NBEA: variants seen among roughly 807,000 people sequenced by gnomAD.
NBEA encodes neurobeachin, also known as lysosomal-trafficking regulator 2.
In NBEA, 44 loss-of-function variants were observed where a neutral mutation model predicts 343.4. The observed-to-expected ratio is 0.13, with a 90% CI of 0.10 to 0.16. The LOEUF (loss-of-function observed/expected upper bound fraction) is 0.16, where lower values mean the gene tolerates loss of function less well. Ranked by LOEUF, NBEA falls within the 10% of genes least tolerant of loss-of-function variation. NBEA has a pLI of 1.00. For synonymous variants in NBEA, 1,175 were observed against 1,238.7 expected (o/e 0.95, Z 1.08); for missense variants, 2,555 against 3,631.3 (o/e 0.70, Z 7.62).
At chr13:35,489,730 A>G (rs1294873053) in intron 41 of NBEA, among the ~76,000 whole-genome samples, 1 of 151,924 alleles carries the variant, frequency 6.6e-6, no homozygotes, top group Non-Finnish European at 1.5e-5. Context: ...CAAAATGTTT[A>G]TGGCACTTGC....
At chr13:35,393,162 G>C (rs544549723) in intron 38 of NBEA, among the ~76,000 whole-genome samples, 12 of 152,228 alleles carry the variant, frequency 7.9e-5, no homozygotes, top group South Asian at 4.1e-4. Flanking sequence ...GATAGCAATT[G>C]TAATAGATTA....
At chr13:35,483,539 A>G (rs888915843) in intron 41 of NBEA, among the ~76,000 whole-genome samples, 1 of 152,142 alleles carries the variant, frequency 6.6e-6, no homozygotes, top group Middle Eastern at 3.4e-3. Flanking sequence ...GTAAATGTAG[A>G]TGGTTACAAA....
At chr13:35,253,184 A>G (rs897358372) in intron 34 of NBEA, among the ~76,000 whole-genome samples, 2 of 152,198 alleles carry the variant, frequency 1.3e-5, no homozygotes, top group Non-Finnish European at 2.9e-5. Flanking sequence ...CGAAAATTGG[A>G]AATAAAATAT....
At chr13:34,993,123 G>T (rs112402857) in intron 1 of NBEA, among the ~76,000 whole-genome samples, 5 of 152,006 alleles carry the variant, frequency 3.3e-5, no homozygotes, top group Admixed American at 3.3e-4. Context: ...ATCTTATATC[G>T]TATCTTATTA....
intron 41 of NBEA, among the ~76,000 whole-genome samples, chr13:35,496,168 A>T (rs1262529082): frequency 6.6e-6 from 1 of 151,984 alleles, no homozygotes; most frequent in Non-Finnish European, 1.5e-5. Context: ...CCCTTTTTAA[A>T]AAAACAAGGT....
At chr13:35,210,930 A>G in intron 32 of NBEA, 123 bp from the exon 33 acceptor site, 1 of 963,382 alleles carries the variant, frequency 1.0e-6, no homozygotes, top group Non-Finnish European at 1.5e-6. Context: ...CAAATGATTA[A>G]TTGTCAAATT....
chr13:35,583,795 T>C, intron 45 of NBEA, 103 bp from the exon 46 acceptor site: 2 of 817,332 alleles, frequency 2.4e-6, no homozygotes, highest in Non-Finnish European at 3.8e-6. Flanking sequence ...TTATGCTGTA[T>C]GGCTAAAATG....
intron 38 of NBEA, among the ~76,000 whole-genome samples, chr13:35,391,896 G>C (rs73169749): frequency 1.5e-3 from 235 of 152,172 alleles, no homozygotes; most frequent in Non-Finnish European, 2.9e-3. Flanking sequence ...TTGCAAATGA[G>C]TTTTCTATAC....
At chr13:35,527,581 G>A (rs1349938539) in intron 41 of NBEA, among the ~76,000 whole-genome samples, 1 of 152,192 alleles carries the variant, frequency 6.6e-6, no homozygotes, top group East Asian at 1.9e-4. Flanking sequence ...GCATGTCATT[G>A]CCACCCCAAG....
intron 1 of NBEA, among the ~76,000 whole-genome samples, chr13:34,992,293 C>T (rs1170588980): frequency 6.9e-6 from 1 of 145,190 alleles, no homozygotes; most frequent in Non-Finnish European, 1.5e-5. Flanking sequence ...CTAGCTCTGT[C>T]ACCCAGGCTG....
chr13:35,113,131 T>C (rs1165363499), intron 13 of NBEA, among the ~76,000 whole-genome samples: 1 of 152,196 alleles, frequency 6.6e-6, no homozygotes, highest in African/African-American at 2.4e-5. Context: ...GACCTTGACA[T>C]TTTTGAATAA....
chr13:35,060,769 T>G (rs1274699567), intron 8 of NBEA, among the ~76,000 whole-genome samples: 2 of 151,592 alleles, frequency 1.3e-5, no homozygotes, highest in Non-Finnish European at 3.0e-5. Context: ...TTTGATCAGA[T>G]TGTGTTTTGA....
At chr13:35,012,111 G>T (rs1226073221) in intron 1 of NBEA, among the ~76,000 whole-genome samples, 1 of 152,148 alleles carries the variant, frequency 6.6e-6, no homozygotes, top group Admixed American at 6.5e-5. Flanking sequence ...TTCATTTTAT[G>T]CCACTATAAT....
At chr13:34,965,821 T>C (rs2059803544) in intron 1 of NBEA, among the ~76,000 whole-genome samples, 1 of 152,036 alleles carries the variant, frequency 6.6e-6, no homozygotes, top group African/African-American at 2.4e-5. Context: ...AACACATAAC[T>C]AAAAGTTCTG....
At chr13:35,641,577 A>T (rs2083950271) in intron 49 of NBEA, among the ~76,000 whole-genome samples, 1 of 152,212 alleles carries the variant, frequency 6.6e-6, no homozygotes, top group Admixed American at 6.5e-5. Flanking sequence ...AACAGGAAAT[A>T]TGTAGTGTAT....
chr13:35,669,611 TG>T (rs1268805086), intron 58 of NBEA, among the ~76,000 whole-genome samples: 1 of 152,200 alleles, frequency 6.6e-6, no homozygotes, highest in East Asian at 1.9e-4. Context: ...GGGAATGGTT[TG>T]TTGTGTTACT....
chr13:35,224,951 G>T (rs2074569381), intron 33 of NBEA, among the ~76,000 whole-genome samples: 1 of 151,968 alleles, frequency 6.6e-6, no homozygotes, highest in Non-Finnish European at 1.5e-5. Context: ...CAGGGTTTAT[G>T]TTTTCTTGTT....
chr13:35,132,336 ATT>A (rs1206582490), intron 17 of NBEA, among the ~76,000 whole-genome samples: 1 of 151,868 alleles, frequency 6.6e-6, no homozygotes, highest in Non-Finnish European at 1.5e-5. Context: ...TTTTTTGTAT[ATT>A]TAGTGGAGAT....
intron 38 of NBEA, among the ~76,000 whole-genome samples, chr13:35,422,463 A>G (rs2044353311): frequency 6.6e-6 from 1 of 151,932 alleles, no homozygotes; most frequent in Non-Finnish European, 1.5e-5. Flanking sequence ...CCATGTCCCT[A>G]CAAAGGACAT....
Sources: gnomAD v4.1 joint callset for allele counts (sites outside exome capture counted in the v4.1 genomes callset) on GRCh38, gnomAD v4.1.1 for gene constraint, MANE v1.5 for transcripts, NCBI Gene and HGNC (gene_info 2026-07-23, HGNC 2026-07-21) for gene names.